The following ZNF385D variants were observed in gnomAD, a reference collection of about 807,000 sequenced individuals.
ZNF385D encodes the protein zinc finger protein 659.
In ZNF385D, 15 loss-of-function variants were observed where a neutral mutation model predicts 35.8. The ratio of observed to expected loss-of-function variants is 0.42; its 90% CI spans 0.28 to 0.64. The LOEUF (loss-of-function observed/expected upper bound fraction) is 0.64. Ranked by LOEUF, ZNF385D falls within the 30% of genes least tolerant of loss-of-function variation. ZNF385D has a pLI of 0.23. For synonymous variants in ZNF385D, 212 were observed against 186.8 expected, an observed-to-expected ratio of 1.13 and a Z score of -1.10; for missense variants, 474 against 494.6, an observed-to-expected ratio of 0.96 and a Z score of 0.39.
intron 2 of ZNF385D, among the ~76,000 whole-genome samples, chr3:22,219,778 T>G (rs1362988359): frequency 1.3e-5 from 2 of 152,164 alleles, no homozygotes; most frequent in Non-Finnish European, 2.9e-5. Context: ...TTTTGAATAG[T>G]CTTGGATCAG....
chr3:22,193,336 C>T (rs1257516245), intron 2 of ZNF385D, among the ~76,000 whole-genome samples: 1 of 151,982 alleles, frequency 6.6e-6, no homozygotes, highest in Non-Finnish European at 1.5e-5. Flanking sequence ...TGTTTGTACA[C>T]ATTTTTCTAT....
chr3:22,090,666 A>T (rs1701282057), intron 3 of ZNF385D, among the ~76,000 whole-genome samples: 1 of 152,178 alleles, frequency 6.6e-6, no homozygotes, highest in Admixed American at 6.5e-5. Context: ...AGTGAAATTC[A>T]CCATTTCTCA....
intron 3 of ZNF385D, among the ~76,000 whole-genome samples, chr3:21,999,761 C>A (rs538915781): frequency 2.8e-5 from 3 of 107,374 alleles, no homozygotes; most frequent in Non-Finnish European, 5.5e-5. Flanking sequence ...GTAAAATACC[C>A]CAGTCAGGCA....
At chr3:22,253,466 T>A (rs1700162648) in intron 2 of ZNF385D, among the ~76,000 whole-genome samples, 1 of 151,992 alleles carries the variant, frequency 6.6e-6, no homozygotes, top group Admixed American at 6.6e-5. Flanking sequence ...TCTATTCAGT[T>A]ATGAAGATTA....
intron 3 of ZNF385D, among the ~76,000 whole-genome samples, chr3:22,016,346 G>A (rs1696883266): frequency 6.6e-6 from 1 of 152,098 alleles, no homozygotes; most frequent in African/African-American, 2.4e-5. Flanking sequence ...AATGGCATTA[G>A]TGCTGAGGCT....
At chr3:21,930,754 T>A (rs181809753) in intron 3 of ZNF385D, among the ~76,000 whole-genome samples, 1 of 152,208 alleles carries the variant, frequency 6.6e-6, no homozygotes, top group East Asian at 1.9e-4. Context: ...ATTGTGCTAA[T>A]AAGATGCCCA....
intron 3 of ZNF385D, among the ~76,000 whole-genome samples, chr3:21,947,231 T>A (rs910886588): frequency 1.3e-5 from 2 of 152,176 alleles, no homozygotes; most frequent in Admixed American, 6.6e-5. Context: ...ATAGCGAATT[T>A]ACGATTTAAA....
At chr3:22,104,734 A>G (rs1363464774) in intron 3 of ZNF385D, among the ~76,000 whole-genome samples, 1 of 152,146 alleles carries the variant, frequency 6.6e-6, no homozygotes, top group Non-Finnish European at 1.5e-5. Flanking sequence ...GCAAATAAAG[A>G]ATTGTTATGG....
At chr3:22,151,290 A>G (rs933308398) in intron 3 of ZNF385D, among the ~76,000 whole-genome samples, 2 of 152,160 alleles carry the variant, frequency 1.3e-5, no homozygotes, top group African/African-American at 4.8e-5. Flanking sequence ...ACTTACCTGT[A>G]ATGAATCAAG....
intron 3 of ZNF385D, among the ~76,000 whole-genome samples, chr3:21,974,132 T>G (rs1321763217): frequency 6.6e-6 from 1 of 151,746 alleles, no homozygotes; most frequent in Non-Finnish European, 1.5e-5. Context: ...GAGCAAAAAT[T>G]TGAACAAAAC....
chr3:22,152,949 T>C (rs1705338987), intron 3 of ZNF385D, among the ~76,000 whole-genome samples: 1 of 152,164 alleles, frequency 6.6e-6, no homozygotes, highest in South Asian at 2.1e-4. Context: ...ACCAATTGTG[T>C]GTACCTCTTA....
chr3:21,966,685 G>A (rs760898685), intron 3 of ZNF385D, among the ~76,000 whole-genome samples: 3 of 152,110 alleles, frequency 2.0e-5, no homozygotes, highest in African/African-American at 7.2e-5. Context: ...GGGTTCAATC[G>A]ATTTTCCTGC....
chr3:21,781,391 A>G (rs2071483217), intron 3 of ZNF385D, among the ~76,000 whole-genome samples: 1 of 152,024 alleles, frequency 6.6e-6, no homozygotes, highest in Non-Finnish European at 1.5e-5. Flanking sequence ...AATTCCTAAA[A>G]TATTTCAACT....
chr3:22,194,056 A>C lies in ZNF385D; in HGVS notation c.107-25021T>G, dbSNP rs1184439619. 5.3e-5 allele frequency among the ~76,000 whole-genome samples: 8 copies of C among 151,996 alleles called. No homozygotes were observed. In the East Asian group the frequency reaches 1.5e-3, roughly 29 times the overall value. ...AACACTTCTCTGTATGTTTTATTAGAATTTCCTCTTTATGCAACTTATACT... is the reference window on the plus strand; with the variant it reads ...AACACTTCTCTGTATGTTTTATTAGCATTTCCTCTTTATGCAACTTATACT... On this transcript the variant is annotated intron_variant, in intron 2 of 5. Coordinates refer to the ZNF385D transcript ENST00000494108.
chr3:21,815,246 T>C (rs551527243), intron 3 of ZNF385D, among the ~76,000 whole-genome samples: 9 of 152,192 alleles, frequency 5.9e-5, no homozygotes, highest in South Asian at 2.1e-4. Context: ...AGATCTAAAA[T>C]TGACACCCTA....
At chr3:21,883,598 G>A (rs922137450) in intron 3 of ZNF385D, among the ~76,000 whole-genome samples, 2 of 151,998 alleles carry the variant, frequency 1.3e-5, no homozygotes, top group East Asian at 1.9e-4. Context: ...GATTCCTGAA[G>A]CTTGGAATGA....
At chr3:21,454,280 C>T (rs1575173472) in intron 4 of ZNF385D, among the ~76,000 whole-genome samples, 1 of 150,354 alleles carries the variant, frequency 6.7e-6, no homozygotes, top group East Asian at 2.0e-4. Flanking sequence ...GCAATGATTG[C>T]ATAACATTGT....
intron 3 of ZNF385D, among the ~76,000 whole-genome samples, chr3:22,152,050 T>G (rs1705273776): frequency 6.6e-6 from 1 of 152,032 alleles, no homozygotes; most frequent in South Asian, 2.1e-4. Flanking sequence ...GTTCCCCTCT[T>G]TGCGTCTGTG....
chr3:21,738,843 G>T lies in ZNF385D; in HGVS notation c.22+12052C>A, dbSNP rs965501808. On this transcript the variant is annotated intron_variant, in intron 1 of 7. Transcript: ENST00000281523. The stretch of plus-strand genomic sequence containing the variant: ...ATTATGTTGGGTCCTTTCTGCAATT[G>T]CATTTTATACTTAAAGAAAGCAAGA... Among the ~76,000 whole-genome samples the T allele has an allele frequency of 2.6e-5, 4 of 152,108 alleles. No homozygotes were observed. The East Asian group carries it at 7.7e-4, about 29-fold the overall frequency.
Sources: allele counts gnomAD v4.1 joint callset (sites outside exome capture counted in the v4.1 genomes callset), GRCh38; gene constraint gnomAD v4.1.1; transcripts MANE v1.5; gene names NCBI Gene and HGNC (gene_info 2026-07-23, HGNC 2026-07-21).